The following ARMH4 variants were observed in gnomAD, a reference collection of about 807,000 sequenced individuals.
ARMH4 encodes armadillo like helical domain containing 4.
A neutral mutation model predicts 61.9 loss-of-function variants in ARMH4; 49 were observed. The ratio of observed to expected loss-of-function variants is 0.79; its 90% confidence interval spans 0.63 to 1.00. The LOEUF (loss-of-function observed/expected upper bound fraction) is 1.00. ARMH4 is among the 50% of genes least tolerant of loss of function. The pLI, the probability that ARMH4 is intolerant of heterozygous loss-of-function variation, is 0.00. For missense variants in ARMH4, 934 were observed against 930.0 expected, an observed-to-expected ratio of 1.00 and a Z score of -0.06; for synonymous variants, 368 against 341.5, an observed-to-expected ratio of 1.08 and a Z score of -0.85.
chr14:58,020,738 G>C (rs1205674467), intron 5 of ARMH4, among the ~76,000 whole-genome samples: 1 of 152,178 alleles, frequency 6.6e-6, no homozygotes, highest in Non-Finnish European at 1.5e-5. Context: ...TCTCCACTGG[G>C]CAACAACCAA....
chr14:58,024,103 T>C (rs1005962554), intron 5 of ARMH4, among the ~76,000 whole-genome samples: 5 of 152,198 alleles, frequency 3.3e-5, no homozygotes, highest in Admixed American at 2.6e-4. Context: ...CCAGTGGCAT[T>C]AGCCCCTAAC....
At chr14:58,141,643 T>C (rs1887557782) in intron 1 of ARMH4, 1 of 409,646 alleles carries the variant, frequency 2.4e-6, no homozygotes, top group South Asian at 2.0e-5. Context: ...CAACAACCTG[T>C]ACCCCAGGAA....
intron 4 of ARMH4, among the ~76,000 whole-genome samples, chr14:58,102,835 A>C (rs1886045381): frequency 6.8e-6 from 1 of 146,284 alleles, no homozygotes; most frequent in Non-Finnish European, 1.5e-5. Flanking sequence ...AAAAAAAAAA[A>C]AAAAGAGTAA....
intron 5 of ARMH4, among the ~76,000 whole-genome samples, chr14:58,074,735 A>C (rs1318816539): frequency 1.3e-5 from 2 of 152,174 alleles, no homozygotes; most frequent in African/African-American, 2.4e-5. Context: ...CATGTAGTAA[A>C]ATAATTAGGA....
chr14:58,142,911 A>T (rs930376516), intron 1 of ARMH4, among the ~76,000 whole-genome samples: 20 of 152,096 alleles, frequency 1.3e-4, no homozygotes, highest in Non-Finnish European at 2.1e-4. Flanking sequence ...GACTTTTTCT[A>T]CGTGAGAAAA....
chr14:58,122,677 C>T (rs1886766232), intron 4 of ARMH4, among the ~76,000 whole-genome samples: 1 of 152,120 alleles, frequency 6.6e-6, no homozygotes, highest in Non-Finnish European at 1.5e-5. Flanking sequence ...ACTTTGGAGG[C>T]TCTGGAAAAG....
intron 4 of ARMH4, among the ~76,000 whole-genome samples, chr14:58,112,671 G>T (rs916135850): frequency 1.3e-5 from 2 of 152,086 alleles, no homozygotes; most frequent in African/African-American, 4.8e-5. Context: ...TTCTCTAAAT[G>T]CAATGCCTTC....
At chr14:58,054,436 G>A (rs183222719) in intron 5 of ARMH4, among the ~76,000 whole-genome samples, 36 of 152,204 alleles carry the variant, frequency 2.4e-4, no homozygotes, top group African/African-American at 7.2e-4. Context: ...ATATCTATAC[G>A]GTTTCTTAAC....
chr14:58,019,497 T>C (rs1475959094), intron 5 of ARMH4, among the ~76,000 whole-genome samples: 4 of 152,102 alleles, frequency 2.6e-5, no homozygotes, highest in Non-Finnish European at 5.9e-5. Context: ...TGTATACGAG[T>C]CCCAGGTGTA....
intron 6 of ARMH4, among the ~76,000 whole-genome samples, chr14:58,005,810 A>G (rs547506365): frequency 2.6e-4 from 40 of 152,356 alleles, no homozygotes; most frequent in African/African-American, 9.6e-4. Context: ...GGCAGAAAAG[A>G]CAAGGACAAG....
intron 4 of ARMH4, among the ~76,000 whole-genome samples, chr14:58,123,646 C>T (rs1432048807): frequency 6.6e-6 from 1 of 152,122 alleles, no homozygotes; most frequent in Non-Finnish European, 1.5e-5. Context: ...CTTAAGGATG[C>T]CTTTTTCAGC....
chr14:58,042,178 A>C (rs2141184407), intron 5 of ARMH4, among the ~76,000 whole-genome samples: 1 of 152,322 alleles, frequency 6.6e-6, no homozygotes, highest in South Asian at 2.1e-4. Flanking sequence ...TATTCTTCCA[A>C]AATTGACCAC....
intron 4 of ARMH4, among the ~76,000 whole-genome samples, chr14:58,112,396 A>G (rs1358525229): frequency 6.8e-6 from 1 of 147,084 alleles, no homozygotes; most frequent in Admixed American, 6.9e-5. Context: ...CTTAAATTTT[A>G]CCACGCATAT....
chr14:58,029,529 C>T lies in ARMH4; in HGVS notation c.2090-17379G>A, dbSNP rs140003265. On this transcript the variant is annotated intron_variant, in intron 5 of 7. Transcript: ENST00000267485. ...GATTACAGGTGTGAGCCACCGTGCCCGGCCAGCATAATATTCTTAAGGTTA... is the reference window on the plus strand; with the variant it reads ...GATTACAGGTGTGAGCCACCGTGCCTGGCCAGCATAATATTCTTAAGGTTA... 8.2e-3 allele frequency among the ~76,000 whole-genome samples: 1,242 copies of T among 152,156 alleles called. 23 individuals carry two copies. Among genetic ancestry groups the T allele is most frequent in the African/African-American group, 0.028 (1,162 of 41,508 alleles).
chr14:58,041,938 T>G (rs1206837376), intron 5 of ARMH4, among the ~76,000 whole-genome samples: 2 of 152,030 alleles, frequency 1.3e-5, no homozygotes, highest in African/African-American at 4.8e-5. Context: ...GCATCTAGAT[T>G]CATAAAGCAA....
chr14:58,055,678 A>G (rs997812773), intron 5 of ARMH4, among the ~76,000 whole-genome samples: 1 of 152,154 alleles, frequency 6.6e-6, no homozygotes, highest in African/African-American at 2.4e-5. Context: ...CCCCCACCCT[A>G]CACCTCCTGA....
intron 4 of ARMH4, among the ~76,000 whole-genome samples, chr14:58,106,630 G>A (rs959275315): frequency 5.9e-5 from 9 of 152,168 alleles, no homozygotes; most frequent in Non-Finnish European, 1.3e-4. Context: ...GCAGATCTCT[G>A]ACAATCTCTT....
chr14:58,062,216 C>A lies in ARMH4; in HGVS notation c.2089+34508G>T, dbSNP rs1172109654. Among the ~76,000 whole-genome samples the A allele has an allele frequency of 3.3e-5, 5 of 152,184 alleles. No individual in the cohort carries two copies. The East Asian group carries it at 9.6e-4, about 29-fold the overall frequency. On this transcript the variant is annotated intron_variant, in intron 5 of 7. Transcript: ENST00000267485. ...ATTAGCCAGATGTGGTGGCACATGC[C>A]TGTAGTCCCAGCTACTTGGGAGGCT...
intron 5 of ARMH4, among the ~76,000 whole-genome samples, chr14:58,057,171 G>C (rs889318127): frequency 1.3e-5 from 2 of 152,180 alleles, no homozygotes; most frequent in Non-Finnish European, 2.9e-5. Flanking sequence ...TATAACCTAT[G>C]TAATATAACT....
Sources: gnomAD v4.1 joint callset for allele counts (sites outside exome capture counted in the v4.1 genomes callset) on GRCh38, gnomAD v4.1.1 for gene constraint, MANE v1.5 for transcripts, NCBI Gene and HGNC (gene_info 2026-07-23, HGNC 2026-07-21) for gene names.